KLF12: variants seen among roughly 807,000 people sequenced by gnomAD.
The protein encoded by KLF12 is KLF transcription factor 12.
KLF12 carries 9 observed loss-of-function variants against 37.8 expected under a neutral mutation model. The ratio of observed to expected loss-of-function variants is 0.24; its 90% CI spans 0.14 to 0.42. The LOEUF (loss-of-function observed/expected upper bound fraction) is 0.42, where lower values mean the gene tolerates loss of function less well. Ranked by LOEUF, KLF12 falls within the 10% of genes least tolerant of loss-of-function variation. KLF12 has a pLI of 1.00. For synonymous variants in KLF12, 208 were observed against 202.1 expected (o/e 1.03, Z -0.25); for missense variants, 411 against 516.0 (o/e 0.80, Z 1.97).
chr13:73,905,477 A>C (rs1219642469), intron 3 of KLF12, among the ~76,000 whole-genome samples: 1 of 151,940 alleles, frequency 6.6e-6, no homozygotes, highest in African/African-American at 2.4e-5. Flanking sequence ...TCTTAACCTA[A>C]GTCCAAGAAT....
At chr13:73,817,350 A>AAAAAAC (rs11419983) in intron 4 of KLF12, among the ~76,000 whole-genome samples, 25 of 96,034 alleles carry the variant, frequency 2.6e-4, no homozygotes, top group South Asian at 7.0e-4. Context: ...AAAGAAAAAC[A>AAAAAAC]AAAAAAAAAA....
intron 1 of KLF12, among the ~76,000 whole-genome samples, chr13:74,092,728 T>A (rs1458086763): frequency 6.6e-6 from 1 of 152,024 alleles, no homozygotes; most frequent in Non-Finnish European, 1.5e-5. Flanking sequence ...GTATTCAGAA[T>A]ATGAAAAGAA....
At chr13:73,713,287 A>G (rs1450771382) in intron 7 of KLF12, among the ~76,000 whole-genome samples, 1 of 152,200 alleles carries the variant, frequency 6.6e-6, no homozygotes, top group Admixed American at 6.5e-5. Context: ...TGGACATTGT[A>G]AGAGAGGAGA....
the KLF12 span, among the ~76,000 whole-genome samples, chr13:74,288,848 T>G: frequency 6.6e-6 from 1 of 152,276 alleles, no homozygotes; most frequent in East Asian, 1.9e-4. Flanking sequence ...CCTTCCTGCC[T>G]CTGTTCTGTC....
the KLF12 span, among the ~76,000 whole-genome samples, chr13:74,302,866 G>A: frequency 6.6e-6 from 1 of 152,124 alleles, no homozygotes; most frequent in Non-Finnish European, 1.5e-5. Flanking sequence ...GGGGAAATGA[G>A]TGCTGTGTGC....
chr13:74,054,890 G>C (rs1421694867), intron 1 of KLF12, among the ~76,000 whole-genome samples: 2 of 152,124 alleles, frequency 1.3e-5, no homozygotes, highest in African/African-American at 4.8e-5. Context: ...AATTAGCAAA[G>C]ACTTAATACT....
the KLF12 span, among the ~76,000 whole-genome samples, chr13:74,255,515 G>T: frequency 2.6e-5 from 4 of 152,128 alleles, no homozygotes; most frequent in African/African-American, 9.7e-5. Flanking sequence ...GCTTTCAATT[G>T]CATGATGTAA....
At chr13:73,838,720 C>T (rs747849323) in intron 4 of KLF12, among the ~76,000 whole-genome samples, 1 of 152,158 alleles carries the variant, frequency 6.6e-6, no homozygotes, top group Non-Finnish European at 1.5e-5. Flanking sequence ...TGGTAGGAAA[C>T]CAGAGCTGGG....
the KLF12 span, among the ~76,000 whole-genome samples, chr13:74,243,689 G>A: frequency 0.036 from 5,446 of 152,144 alleles, 125 homozygotes; most frequent in Middle Eastern, 0.071. Context: ...TTTGATTTGC[G>A]TTTCTCTAAT....
intron 1 of KLF12, among the ~76,000 whole-genome samples, chr13:74,062,842 T>G (rs1206508036): frequency 6.6e-6 from 1 of 152,178 alleles, no homozygotes; most frequent in African/African-American, 2.4e-5. Context: ...CCATCACCAT[T>G]TTCCTAACCC....
At chr13:73,722,749 A>G (rs1452740816) in intron 6 of KLF12, among the ~76,000 whole-genome samples, 1 of 152,238 alleles carries the variant, frequency 6.6e-6, no homozygotes, top group African/African-American at 2.4e-5. Flanking sequence ...AAAAAGCTCA[A>G]TCTTAACATC....
At chr13:74,105,104 G>A (rs1876580760) in intron 1 of KLF12, among the ~76,000 whole-genome samples, 1 of 152,074 alleles carries the variant, frequency 6.6e-6, no homozygotes, top group African/African-American at 2.4e-5. Flanking sequence ...TGGTAAGAAA[G>A]ATCTGTTCTT....
chr13:74,275,887 T>A, the KLF12 span, among the ~76,000 whole-genome samples: 6 of 96,896 alleles, frequency 6.2e-5, no homozygotes, highest in African/African-American at 2.7e-4. Context: ...TCTTCTTTCT[T>A]TCTTTCTTTC....
At chr13:74,218,882 C>A in the KLF12 span, among the ~76,000 whole-genome samples, 1 of 151,796 alleles carries the variant, frequency 6.6e-6, no homozygotes, top group South Asian at 2.1e-4. Flanking sequence ...TGAAAATATC[C>A]CCTTATACCA....
chr13:73,961,971 C>T, intron 2 of KLF12: 1 of 454,508 alleles, frequency 2.2e-6, no homozygotes, highest in Non-Finnish European at 4.4e-6. Flanking sequence ...ACCATAAGAT[C>T]ACACTGTCAC....
the KLF12 span, chr13:74,258,371 A>T: frequency 6.6e-6 from 1 of 152,150 alleles, no homozygotes; most frequent in Non-Finnish European, 1.5e-5. Flanking sequence ...CCTAAGTCTC[A>T]GTTCCAATAC....
At chr13:74,050,513 C>A (rs559439561) in intron 1 of KLF12, among the ~76,000 whole-genome samples, 1 of 152,236 alleles carries the variant, frequency 6.6e-6, no homozygotes, top group African/African-American at 2.4e-5. Flanking sequence ...CAAGGCAAAG[C>A]ACACCTGATG....
intron 1 of KLF12, among the ~76,000 whole-genome samples, chr13:74,122,288 G>A (rs1877674733): frequency 6.6e-6 from 1 of 151,994 alleles, no homozygotes. Flanking sequence ...ACAATTCTTA[G>A]AATAATTCTA....
At chr13:73,927,104 A>G (rs916563962) in intron 3 of KLF12, among the ~76,000 whole-genome samples, 1 of 152,216 alleles carries the variant, frequency 6.6e-6, no homozygotes, top group African/African-American at 2.4e-5. Flanking sequence ...GTGAACAAAT[A>G]CAATAATTCC....
Sources: gnomAD v4.1 joint callset for allele counts (sites outside exome capture counted in the v4.1 genomes callset) on GRCh38, gnomAD v4.1.1 for gene constraint, MANE v1.5 for transcripts, NCBI Gene and HGNC (gene_info 2026-07-23, HGNC 2026-07-21) for gene names.